GRK5: variants seen among roughly 807,000 people sequenced by gnomAD.
The protein encoded by GRK5 is G protein-coupled receptor kinase 5.
In GRK5, 40 loss-of-function variants were observed where a neutral mutation model predicts 78.4. That is an observed-to-expected ratio of 0.51 (90% confidence interval 0.40 to 0.66). The LOEUF (loss-of-function observed/expected upper bound fraction) is 0.66. Ranked by LOEUF, GRK5 falls within the 30% of genes least tolerant of loss-of-function variation. The pLI, the probability that GRK5 is intolerant of heterozygous loss-of-function variation, is 0.00. For synonymous variants in GRK5, 289 were observed against 296.8 expected (o/e 0.97, Z 0.27); for missense variants, 598 against 759.9 (o/e 0.79, Z 2.50).
chr10:119,387,626 C>G (rs942218760), intron 3 of GRK5, among the ~76,000 whole-genome samples: 4 of 152,204 alleles, frequency 2.6e-5, no homozygotes, highest in Non-Finnish European at 5.9e-5. Context: ...TGTCAGCCCC[C>G]ACAGGGCAAA....
intron 1 of GRK5, among the ~76,000 whole-genome samples, chr10:119,230,290 A>T (rs750532643): frequency 6.6e-6 from 1 of 152,252 alleles, no homozygotes. Flanking sequence ...GTTCCAGACT[A>T]GCCTAGGCAA....
chr10:119,435,728 T>C (rs1373309235), intron 8 of GRK5, among the ~76,000 whole-genome samples: 2 of 152,258 alleles, frequency 1.3e-5, no homozygotes, highest in African/African-American at 2.4e-5. Flanking sequence ...CTGTTACCGG[T>C]TCCAAAGTCA....
chr10:119,230,712 C>T (rs1848813211), intron 1 of GRK5, among the ~76,000 whole-genome samples: 1 of 151,776 alleles, frequency 6.6e-6, no homozygotes, highest in African/African-American at 2.4e-5. Flanking sequence ...GTGGTGTGCA[C>T]CTGTAGTCCC....
At chr10:119,280,898 C>T (rs1849752322) in intron 1 of GRK5, among the ~76,000 whole-genome samples, 1 of 151,770 alleles carries the variant, frequency 6.6e-6, no homozygotes, top group African/African-American at 2.4e-5. Flanking sequence ...TCCTTCCTCA[C>T]CCTCCTGAGT....
intron 3 of GRK5, among the ~76,000 whole-genome samples, chr10:119,394,225 G>GTGTGGCT (rs796827411): frequency 5.9e-5 from 1 of 16,996 alleles, no homozygotes; most frequent in Admixed American, 9.8e-4. Context: ...GGTACGTGTG[G>GTGTGGCT]GTGTGGGTGT....
chr10:119,299,594 G>A (rs1410365101), intron 1 of GRK5, among the ~76,000 whole-genome samples: 1 of 152,156 alleles, frequency 6.6e-6, no homozygotes. Flanking sequence ...TGGGGGAGTT[G>A]TCCCTAGGGA....
intron 4 of GRK5, among the ~76,000 whole-genome samples, chr10:119,402,202 A>T (rs913991633): frequency 1.3e-5 from 2 of 152,222 alleles, no homozygotes; most frequent in African/African-American, 4.8e-5. Context: ...CTCCCTGCGT[A>T]CATTCCCATC....
At chr10:119,245,937 G>A (rs1232194165) in intron 1 of GRK5, among the ~76,000 whole-genome samples, 10 of 146,056 alleles carry the variant, frequency 6.8e-5, no homozygotes, top group Non-Finnish European at 1.3e-4. Context: ...GGAGAATGGC[G>A]TGAACCCGGG....
At chr10:119,418,731 C>T (rs937281343) in intron 4 of GRK5, among the ~76,000 whole-genome samples, 9 of 152,178 alleles carry the variant, frequency 5.9e-5, no homozygotes, top group African/African-American at 2.2e-4. Context: ...CCTTGGTGCC[C>T]AAATTCACTG....
chr10:119,302,948 C>A lies in GRK5; in HGVS notation c.53-23568C>A, dbSNP rs1249652824. 2.6e-5 allele frequency among the ~76,000 whole-genome samples: 4 copies of A among 152,228 alleles called. No individual in the cohort carries two copies. The East Asian group carries it at 5.8e-4, about 22-fold the overall frequency. On this transcript the variant is annotated intron_variant, in intron 1 of 15. Transcript: ENST00000392870. Reference sequence around the variant, plus strand: ...GTGATGCTGGTGACAGCACCTGCTCCCCTTCTCCATCCCTGAAGGAAGACA... The same window carrying A: ...GTGATGCTGGTGACAGCACCTGCTCACCTTCTCCATCCCTGAAGGAAGACA...
intron 2 of GRK5, among the ~76,000 whole-genome samples, chr10:119,345,451 G>A (rs572685810): frequency 2.4e-4 from 36 of 152,254 alleles, no homozygotes; most frequent in South Asian, 1.2e-3. Flanking sequence ...TTCAGAATTC[G>A]CCCATGGGTT....
In GRK5 at chr10:119,299,793, GATGT is replaced by G. The variant is rs1440498267; in HGVS notation, c.53-26722_53-26719del. On this transcript the variant is annotated intron_variant, in intron 1 of 15. Transcript: ENST00000392870. ...GTGTCACAGACTCTTCATTTAAGCA[GATGT>G]GTGTGTGTGTGTGTGTGTGTGTGTG... 4.0e-3 allele frequency among the ~76,000 whole-genome samples: 471 copies of G among 117,722 alleles called. 3 individuals are homozygous for G. The highest frequency in any genetic ancestry group is 0.012 in the East Asian group (59 of 4,730). 77.2% of individuals were successfully genotyped at this position (117,722 alleles called of 152,430 possible).
At chr10:119,223,831 C>A (rs879567533) in intron 1 of GRK5, among the ~76,000 whole-genome samples, 14 of 151,862 alleles carry the variant, frequency 9.2e-5, no homozygotes, top group African/African-American at 3.1e-4. Flanking sequence ...TAACGAGATG[C>A]TAAAAGTAAA....
intron 1 of GRK5, among the ~76,000 whole-genome samples, chr10:119,233,588 C>A (rs1052617110): frequency 1.3e-5 from 2 of 152,086 alleles, no homozygotes; most frequent in Non-Finnish European, 2.9e-5. Context: ...GCCAGATGTA[C>A]CCCCCTGGTT....
At chr10:119,231,194 G>T (rs563722160) in intron 1 of GRK5, among the ~76,000 whole-genome samples, 23 of 152,166 alleles carry the variant, frequency 1.5e-4, no homozygotes, top group Admixed American at 1.4e-3. Context: ...TTGATACCCA[G>T]AACATACAAG....
chr10:119,380,764 C>CT (rs1380025942), intron 2 of GRK5, 51 bp from the exon 3 acceptor site: 1 of 1,161,372 alleles, frequency 8.6e-7, no homozygotes, highest in Admixed American at 1.7e-5. Flanking sequence ...CAGGAAGGCC[C>CT]TGCCTGGCCT....
chr10:119,329,845 C>T (rs1176545949), intron 2 of GRK5, among the ~76,000 whole-genome samples: 2 of 150,958 alleles, frequency 1.3e-5, no homozygotes, highest in Non-Finnish European at 2.9e-5. Context: ...ACGCCAGCAA[C>T]GCAGACACCT....
rs59740732 is a variant in GRK5, at chr10:119,304,284, C to CT, written c.53-22207dup. ...AGCAGTATGCTAACTGTGTGAGCTG[C>CT]TTTTTTTTTTTTTTTTTTTTTTTTT... On this transcript the variant is annotated intron_variant, in intron 1 of 15. Coordinates refer to ENST00000392870, the MANE Select transcript of GRK5 (RefSeq NM_005308.3). Among the ~76,000 whole-genome samples, 496 of 75,038 alleles carry CT rather than the reference C, an allele frequency of 6.6e-3. 21 individuals carry two copies. Among genetic ancestry groups the CT allele is most frequent in the African/African-American group, 0.017 (332 of 19,852 alleles). The allele number at this position is 75,038 out of a possible 152,430, so 49.2% of individuals were successfully genotyped here.
intron 2 of GRK5, among the ~76,000 whole-genome samples, chr10:119,327,642 C>T (rs1257494513): frequency 1.3e-5 from 2 of 152,202 alleles, no homozygotes; most frequent in East Asian, 3.9e-4. Flanking sequence ...TAAATGGCCT[C>T]TTCACGGTCT....
Sources: allele counts gnomAD v4.1 joint callset (sites outside exome capture counted in the v4.1 genomes callset), GRCh38; gene constraint gnomAD v4.1.1; transcripts MANE v1.5; gene names NCBI Gene and HGNC (gene_info 2026-07-23, HGNC 2026-07-21).